PIK3C2B: variants seen among roughly 807,000 people sequenced by gnomAD.
PIK3C2B encodes phosphatidylinositol 4-phosphate 3-kinase C2 domain-containing subunit beta.
Under a neutral mutation model 184.3 loss-of-function variants are expected in PIK3C2B, and 83 were observed. The ratio of observed to expected loss-of-function variants is 0.45; its 90% confidence interval spans 0.38 to 0.54. PIK3C2B has a LOEUF of 0.54. PIK3C2B is among the 20% of genes least tolerant of loss of function. The probability of loss-of-function intolerance (pLI) is 0.00; values close to 1 mark genes in which losing one functional copy is unlikely to be tolerated. For synonymous variants in PIK3C2B, 779 were observed against 837.6 expected (o/e 0.93, Z 1.21); for missense variants, 1,736 against 2,113.5 (o/e 0.82, Z 3.50).
intron 8 of PIK3C2B, 37 bp from the exon 9 acceptor site, chr1:204,457,911 C>A (rs372862345): frequency 1.2e-6 from 2 of 1,600,064 alleles, no homozygotes; most frequent in Non-Finnish European, 1.7e-6. Flanking sequence ...GCAGGCTCTG[C>A]TCTCATGCTC....
chr1:204,449,692 T>G (rs1654185131), intron 13 of PIK3C2B, among the ~76,000 whole-genome samples, 158 bp downstream of exon 13: 1 of 152,166 alleles, frequency 6.6e-6, no homozygotes, highest in African/African-American at 2.4e-5. Flanking sequence ...ATAGTCCTGG[T>G]CACCAGTTCT....
At chr1:204,475,662 G>A (rs1393214625) in intron 1 of PIK3C2B, among the ~76,000 whole-genome samples, 1 of 152,136 alleles carries the variant, frequency 6.6e-6, no homozygotes, top group East Asian at 1.9e-4. Flanking sequence ...GGGATTCCTT[G>A]ATTCCAACCT....
Position 204,474,249 on chromosome 1 carries a change from C to G in PIK3C2B, c.-84-4363G>C, listed in dbSNP as rs192190446. Reference sequence around the variant, plus strand: ...CAGGTGATCCGCCCGCCTCGGCCCCCCAAAGTGCTGGGATTACAGGCGTGA... The same window carrying G: ...CAGGTGATCCGCCCGCCTCGGCCCCGCAAAGTGCTGGGATTACAGGCGTGA... On this transcript the variant is annotated intron_variant, in intron 1 of 32. Transcript: ENST00000684373. 2.5e-3 allele frequency among the ~76,000 whole-genome samples: 385 copies of G among 152,246 alleles called. 4 individuals carry two copies. Among genetic ancestry groups the G allele is most frequent in the Non-Finnish European group, 8.8e-4 (60 of 68,002 alleles).
chr1:204,450,154 C>T, intron 12 of PIK3C2B, 137 bp from the exon 13 acceptor site: 1 of 691,670 alleles, frequency 1.4e-6, no homozygotes, highest in East Asian at 2.9e-5. Flanking sequence ...CCTGAGGAAG[C>T]CCTCCTCCTG....
chr1:204,454,566 G>GT (rs1160800522), intron 12 of PIK3C2B, 103 bp downstream of exon 12: 2 of 1,217,234 alleles, frequency 1.6e-6, no homozygotes, highest in Non-Finnish European at 2.3e-6. Flanking sequence ...AAGGAGCCTG[G>GT]TTTTATCATT....
In PIK3C2B at chr1:204,469,131, C is replaced by A. The variant is rs749343331; in HGVS notation, c.672G>T (p.Gly224=). 4 of 1,614,074 alleles carry A rather than the reference C, an allele frequency of 2.5e-6. No homozygotes were observed. The Admixed American group carries it at 5.0e-5, about 20-fold the overall frequency. The change falls in exon 2 of 33, where the codon GGG becomes GGT. Residue 224 remains glycine, a synonymous_variant. Transcript: ENST00000684373. ...CATTGATACCATCATAGTCCACAGA[C>A]CCCAGTAGGCGCCCCTGACCCCCAC... The part of the protein sequence containing the change: ...LGGGGQGRLL[G]SVDYDGINDA...
chr1:204,433,755 T>G lies in PIK3C2B; in HGVS notation c.3843+38A>C, dbSNP rs368506042. 5.9e-5 allele frequency: 93 copies of G among 1,586,902 alleles called. No individual in the cohort carries two copies. The highest frequency in any genetic ancestry group is 3.8e-4 in the South Asian group (34 of 90,446). The stretch of plus-strand genomic sequence containing the variant: ...AAGTCTTAAAGATGATGCCAGATAA[T>G]AAGAAGAAGGTATTCGGAAAGGGAT... On this transcript the variant is annotated intron_variant, in intron 25 of 32. Transcript: ENST00000684373. The surrounding 1 kb of genome is among the most constrained non-coding windows in gnomAD (Gnocchi z 5.0).
chr1:204,468,813 C>A, intron 2 of PIK3C2B, 57 bp downstream of exon 2: 1 of 1,420,168 alleles, frequency 7.0e-7, no homozygotes, highest in Non-Finnish European at 9.6e-7. Context: ...GAGACTAGTC[C>A]CTGTTTCTGA....
At chr1:204,480,807 C>T (rs892267638) in intron 1 of PIK3C2B, among the ~76,000 whole-genome samples, 8 of 152,074 alleles carry the variant, frequency 5.3e-5, no homozygotes, top group Admixed American at 2.0e-4. Flanking sequence ...GACCAGCCCC[C>T]GCGCCATGCT....
At chr1:204,442,493 A>C in intron 20 of PIK3C2B, 33 bp downstream of exon 20, 2 of 1,433,856 alleles carry the variant, frequency 1.4e-6, no homozygotes, top group Non-Finnish European at 1.9e-6. Context: ...GAGCCCTCCC[A>C]CTCTGAGAGC....
At chr1:204,493,163 C>T (rs935135404) in intron 1 of PIK3C2B, among the ~76,000 whole-genome samples, 1 of 152,176 alleles carries the variant, frequency 6.6e-6, no homozygotes, top group South Asian at 2.1e-4. Flanking sequence ...GATGCAGCAA[C>T]AGAGTAAGTT....
In PIK3C2B at chr1:204,438,272, C is replaced by T. The variant is rs1162054947; in HGVS notation, c.3516+663G>A. On this transcript the variant is annotated intron_variant, in intron 23 of 32. Transcript: ENST00000684373. The stretch of plus-strand genomic sequence containing the variant: ...TTCCCAGTGTCCCTACTTTCCTCAA[C>T]CTAATTAACCCAGAGACTAGAGTTG... Among the ~76,000 whole-genome samples, 4 of 152,304 alleles carry T rather than the reference C, an allele frequency of 2.6e-5. No homozygotes were observed. The East Asian group carries it at 7.7e-4, about 29-fold the overall frequency.
chr1:204,425,857 T>C, intron 31 of PIK3C2B, 116 bp from the exon 32 acceptor site: 1 of 873,190 alleles, frequency 1.1e-6, no homozygotes, highest in Non-Finnish European at 1.8e-6. Flanking sequence ...CATCTTGCAA[T>C]GCACAACTAA....
At chr1:204,485,729 C>T (rs1437256034) in intron 1 of PIK3C2B, among the ~76,000 whole-genome samples, 2 of 152,084 alleles carry the variant, frequency 1.3e-5, no homozygotes, top group Middle Eastern at 3.2e-3. Context: ...ACGTGGTCGC[C>T]ACCACAACTG....
chr1:204,484,474 C>T (rs1365278534), intron 1 of PIK3C2B, among the ~76,000 whole-genome samples: 1 of 152,172 alleles, frequency 6.6e-6, no homozygotes, highest in East Asian at 1.9e-4. Context: ...CGCGGTGGCT[C>T]ACTCAATTCC....
At chr1:204,468,725 C>T (rs191702983) in intron 2 of PIK3C2B, 145 bp downstream of exon 2, 3 of 692,642 alleles carry the variant, frequency 4.3e-6, no homozygotes, top group Non-Finnish European at 6.9e-6. Context: ...GGACCTCCCC[C>T]ACCAGGGCCA....
chr1:204,468,780 G>T, intron 2 of PIK3C2B, 90 bp downstream of exon 2: 3 of 1,190,354 alleles, frequency 2.5e-6, no homozygotes, highest in Non-Finnish European at 3.5e-6. Context: ...TAAGGACTTG[G>T]CAGAGTTGGA....
chr1:204,474,891 T>A (rs1255305597), intron 1 of PIK3C2B, among the ~76,000 whole-genome samples: 1 of 151,854 alleles, frequency 6.6e-6, no homozygotes, highest in Non-Finnish European at 1.5e-5. Flanking sequence ...CACCACCCAG[T>A]CCCCCAAGCT....
At chr1:204,461,014 A>G (rs61761715) in intron 5 of PIK3C2B, among the ~76,000 whole-genome samples, 1 of 152,278 alleles carries the variant, frequency 6.6e-6, no homozygotes, top group Non-Finnish European at 1.5e-5. Flanking sequence ...CTGAAGCCCT[A>G]TCTTCTGGGC....
Sources: gnomAD v4.1 joint callset for allele counts (sites outside exome capture counted in the v4.1 genomes callset) on GRCh38, gnomAD v4.1.1 for gene constraint, Gnocchi (gnomAD v3.1) non-coding constraint, MANE v1.5 for transcripts, NCBI Gene and HGNC (gene_info 2026-07-23, HGNC 2026-07-21) for gene names.